CTNNA3: variants seen among roughly 807,000 people sequenced by gnomAD.
CTNNA3 encodes catenin alpha-3.
CTNNA3 carries 76 observed loss-of-function variants against 95.7 expected under a neutral mutation model. That is an observed-to-expected ratio of 0.79 (90% confidence interval 0.66 to 0.96). The LOEUF (loss-of-function observed/expected upper bound fraction) is 0.96, where lower values mean the gene tolerates loss of function less well. Among genes scored for constraint, CTNNA3 ranks in the 40% least tolerant of loss-of-function variants. The pLI is 0.00. For synonymous variants in CTNNA3, 431 were observed against 374.4 expected (o/e 1.15, Z -1.74); for missense variants, 1,191 against 1,089.8 (o/e 1.09, Z -1.31).
intron 17 of CTNNA3, among the ~76,000 whole-genome samples, chr10:65,947,395 A>C (rs1174673024): frequency 6.6e-6 from 1 of 152,198 alleles, no homozygotes; most frequent in Non-Finnish European, 1.5e-5. Context: ...AATATTAGCT[A>C]ATTCCATGAC....
chr10:66,847,620 T>C (rs1043541259), intron 7 of CTNNA3, among the ~76,000 whole-genome samples: 17 of 152,188 alleles, frequency 1.1e-4, no homozygotes, highest in African/African-American at 4.1e-4. Context: ...TATTAGGATA[T>C]GTGAAATCCT....
chr10:66,791,919 G>A (rs1171360781), intron 7 of CTNNA3, among the ~76,000 whole-genome samples: 2 of 152,012 alleles, frequency 1.3e-5, no homozygotes, highest in Admixed American at 6.6e-5. Context: ...CATATAACTT[G>A]TACAACTGCA....
intron 3 of CTNNA3, among the ~76,000 whole-genome samples, chr10:67,601,486 C>G (rs1261731382): frequency 6.6e-6 from 1 of 152,148 alleles, no homozygotes; most frequent in Non-Finnish European, 1.5e-5. Context: ...CCACTCACCT[C>G]CTGCTGTACG....
At chr10:66,391,225 T>C (rs1468797889) in intron 11 of CTNNA3, among the ~76,000 whole-genome samples, 1 of 152,116 alleles carries the variant, frequency 6.6e-6, no homozygotes, top group Non-Finnish European at 1.5e-5. Context: ...TAAAGTCCAA[T>C]ATTGCTATTT....
chr10:67,294,310 G>A (rs1425575992), intron 5 of CTNNA3, among the ~76,000 whole-genome samples: 1 of 151,976 alleles, frequency 6.6e-6, no homozygotes, highest in East Asian at 1.9e-4. Context: ...ATATAGGTGG[G>A]GAAAAAGACT....
chr10:67,560,290 C>T (rs1044874553), intron 3 of CTNNA3, among the ~76,000 whole-genome samples: 2 of 150,860 alleles, frequency 1.3e-5, no homozygotes, highest in Admixed American at 6.7e-5. Flanking sequence ...GCGGATGTCT[C>T]GGCAGAAACT....
chr10:66,804,840 C>A (rs1841576881), intron 7 of CTNNA3, among the ~76,000 whole-genome samples: 1 of 152,052 alleles, frequency 6.6e-6, no homozygotes, highest in African/African-American at 2.4e-5. Context: ...CTTATAAAGG[C>A]ATGTTTGCAA....
chr10:67,613,331 C>A (rs1184386425), intron 2 of CTNNA3, among the ~76,000 whole-genome samples: 2 of 151,622 alleles, frequency 1.3e-5, no homozygotes, highest in African/African-American at 4.9e-5. Flanking sequence ...AAACACAGAG[C>A]CAGCGTACTG....
chr10:67,583,912 G>C (rs1354266995), intron 3 of CTNNA3, among the ~76,000 whole-genome samples: 4 of 152,084 alleles, frequency 2.6e-5, no homozygotes, highest in Admixed American at 2.6e-4. Context: ...AGCTCTATCA[G>C]GTCATTTAAG....
intron 9 of CTNNA3, among the ~76,000 whole-genome samples, chr10:66,625,022 A>C (rs1349481337): frequency 6.9e-6 from 1 of 145,160 alleles, no homozygotes; most frequent in African/African-American, 2.6e-5. Flanking sequence ...TATTGAAAAG[A>C]AAAACCTGGG....
At chr10:66,270,466 A>G (rs187922449) in intron 13 of CTNNA3, among the ~76,000 whole-genome samples, 13 of 152,252 alleles carry the variant, frequency 8.5e-5, no homozygotes, top group Admixed American at 5.9e-4. Flanking sequence ...TCAGCCTTCC[A>G]AAGTGCTGGG....
intron 1 of CTNNA3, among the ~76,000 whole-genome samples, chr10:67,761,739 G>A (rs1841462598): frequency 6.6e-6 from 1 of 152,016 alleles, no homozygotes; most frequent in Non-Finnish European, 1.5e-5. Context: ...TTACCCAGGC[G>A]TGGTGGCAGG....
At chr10:65,988,619 G>T (rs2078475446) in intron 16 of CTNNA3, 73 bp downstream of exon 16, 3 of 1,222,938 alleles carry the variant, frequency 2.5e-6, no homozygotes, top group Non-Finnish European at 3.6e-6. Flanking sequence ...ATTTAACTTT[G>T]CCTAAATCAA....
chr10:65,947,515 C>T (rs2077536680), intron 17 of CTNNA3, among the ~76,000 whole-genome samples: 1 of 152,126 alleles, frequency 6.6e-6, no homozygotes, highest in African/African-American at 2.4e-5. Context: ...AGTAGAATTT[C>T]CCTCCTGGAA....
chr10:66,741,004 G>A (rs1013304327), intron 9 of CTNNA3, among the ~76,000 whole-genome samples: 8 of 152,178 alleles, frequency 5.3e-5, no homozygotes, highest in Admixed American at 5.2e-4. Flanking sequence ...ATCACCTAGT[G>A]AAACAGAATT....
At chr10:67,095,168 T>C (rs2131924228) in intron 7 of CTNNA3, among the ~76,000 whole-genome samples, 1 of 151,786 alleles carries the variant, frequency 6.6e-6, no homozygotes, top group Middle Eastern at 3.4e-3. Context: ...TGATGCTGTA[T>C]TCAGATATGG....
intron 13 of CTNNA3, among the ~76,000 whole-genome samples, chr10:66,268,164 T>A (rs2091199494): frequency 6.6e-6 from 1 of 152,106 alleles, no homozygotes; most frequent in Non-Finnish European, 1.5e-5. Context: ...CACTTTGTAT[T>A]TTCTAAAGAT....
chr10:65,933,136 AT>A (rs2077281077), intron 17 of CTNNA3, among the ~76,000 whole-genome samples: 2 of 152,164 alleles, frequency 1.3e-5, no homozygotes, highest in Admixed American at 1.3e-4. Context: ...GATAAAAAAA[AT>A]ACAACAATAT....
At chr10:67,286,848 T>C (rs998760536) in intron 5 of CTNNA3, among the ~76,000 whole-genome samples, 2 of 152,164 alleles carry the variant, frequency 1.3e-5, no homozygotes, top group Non-Finnish European at 2.9e-5. Context: ...GATATAAAAA[T>C]ACTAGCTGTC....
Sources: gnomAD v4.1 joint callset for allele counts (sites outside exome capture counted in the v4.1 genomes callset) on GRCh38, gnomAD v4.1.1 for gene constraint, MANE v1.5 for transcripts, NCBI Gene and HGNC (gene_info 2026-07-23, HGNC 2026-07-21) for gene names.